SPIDR: variants seen among roughly 807,000 people sequenced by gnomAD.
SPIDR encodes the protein scaffold protein involved in DNA repair, also known as DNA repair-scaffolding protein.
SPIDR carries 93 observed loss-of-function variants against 104.6 expected under a neutral mutation model. The ratio of observed to expected loss-of-function variants is 0.89; its 90% CI spans 0.75 to 1.06. The LOEUF is 1.06. Among genes scored for constraint, SPIDR ranks in the 50% least tolerant of loss-of-function variants. The probability of loss-of-function intolerance (pLI) is 0.00; values close to 1 mark genes in which losing one functional copy is unlikely to be tolerated. For missense variants in SPIDR, 1,154 were observed against 1,111.2 expected (o/e 1.04, Z -0.55); for synonymous variants, 431 against 416.9 (o/e 1.03, Z -0.41).
At chr8:47,361,790 G>A (rs556608005) in intron 5 of SPIDR, among the ~76,000 whole-genome samples, 1 of 152,354 alleles carries the variant, frequency 6.6e-6, no homozygotes, top group East Asian at 1.9e-4. Context: ...GATGAGGGCA[G>A]GCAAGGACAG....
intron 11 of SPIDR, chr8:47,698,037 A>G (rs1217456121): frequency 6.6e-6 from 1 of 152,234 alleles, no homozygotes; most frequent in African/African-American, 2.4e-5. Context: ...TATGCAATCT[A>G]TAAATTAAGG....
chr8:47,311,357 C>G (rs948332602), intron 5 of SPIDR, among the ~76,000 whole-genome samples: 30 of 152,036 alleles, frequency 2.0e-4, no homozygotes, highest in African/African-American at 4.8e-4. Context: ...GAAATAGAGG[C>G]CAGGGGAAAT....
At chr8:47,412,255 A>G (rs2063638303) in intron 7 of SPIDR, among the ~76,000 whole-genome samples, 1 of 152,156 alleles carries the variant, frequency 6.6e-6, no homozygotes, top group Admixed American at 6.5e-5. Context: ...CAGTATGGCC[A>G]TTTTCACAAT....
chr8:47,544,854 T>G (rs1267220821), intron 8 of SPIDR, among the ~76,000 whole-genome samples: 1 of 152,208 alleles, frequency 6.6e-6, no homozygotes, highest in Non-Finnish European at 1.5e-5. Context: ...AAAAAAATCT[T>G]CTGGAACTTC....
intron 11 of SPIDR, among the ~76,000 whole-genome samples, chr8:47,696,417 T>C (rs2079342650): frequency 6.6e-6 from 1 of 152,226 alleles, no homozygotes; most frequent in South Asian, 2.1e-4. Flanking sequence ...GTTTAGAGTA[T>C]TTTTTTCTCT....
intron 10 of SPIDR, among the ~76,000 whole-genome samples, chr8:47,665,860 G>T (rs941987388): frequency 6.6e-6 from 1 of 152,164 alleles, no homozygotes; most frequent in Non-Finnish European, 1.5e-5. Flanking sequence ...CTAACATTTT[G>T]TTGATAGTGC....
chr8:47,713,741 G>A (rs187372884), intron 16 of SPIDR, 100 bp downstream of exon 16: 69 of 1,476,430 alleles, frequency 4.7e-5, no homozygotes, highest in Middle Eastern at 2.4e-4. Flanking sequence ...TGGAGCACCC[G>A]CTAAGTTCCA....
At chr8:47,405,965 C>T (rs1329618251) in intron 6 of SPIDR, among the ~76,000 whole-genome samples, 4 of 152,158 alleles carry the variant, frequency 2.6e-5, no homozygotes, top group African/African-American at 9.7e-5. Context: ...CCAGATACTG[C>T]TGTGTGTAGA....
At chr8:47,427,557 C>T (rs1467885834) in intron 7 of SPIDR, among the ~76,000 whole-genome samples, 1 of 152,160 alleles carries the variant, frequency 6.6e-6, no homozygotes, top group African/African-American at 2.4e-5. Context: ...AGATTATCTG[C>T]CAACAGCCTG....
At chr8:47,433,079 G>C (rs2154340261) in intron 7 of SPIDR, among the ~76,000 whole-genome samples, 1 of 152,220 alleles carries the variant, frequency 6.6e-6, no homozygotes, top group South Asian at 2.1e-4. Flanking sequence ...CTCAGTAAAT[G>C]TTAATTCTGT....
chr8:47,355,024 C>T (rs1323216940), intron 5 of SPIDR, among the ~76,000 whole-genome samples: 3 of 151,310 alleles, frequency 2.0e-5, no homozygotes, highest in Non-Finnish European at 2.9e-5. Context: ...GAAGCGATCT[C>T]GGCTCACTGC....
chr8:47,546,436 A>G (rs889319793), intron 8 of SPIDR, among the ~76,000 whole-genome samples: 4 of 152,128 alleles, frequency 2.6e-5, no homozygotes, highest in African/African-American at 9.7e-5. Context: ...TGATGTCTAC[A>G]TGGTCTATAG....
chr8:47,609,461 G>A (rs1417799154), intron 10 of SPIDR, among the ~76,000 whole-genome samples: 1 of 152,136 alleles, frequency 6.6e-6, no homozygotes, highest in Non-Finnish European at 1.5e-5. Context: ...TGTAGTTAGA[G>A]ATTATGTTTA....
intron 14 of SPIDR, among the ~76,000 whole-genome samples, chr8:47,712,323 A>T (rs1433969740): frequency 1.3e-5 from 2 of 152,212 alleles, no homozygotes; most frequent in Non-Finnish European, 2.9e-5. Flanking sequence ...TGTATGTACT[A>T]CACAGGAAAC....
At chr8:47,537,291 C>G (rs2087085718) in intron 8 of SPIDR, among the ~76,000 whole-genome samples, 1 of 152,104 alleles carries the variant, frequency 6.6e-6, no homozygotes, top group Admixed American at 6.6e-5. Context: ...TTCATAATTA[C>G]CAAAAACTTG....
At chr8:47,710,129 T>C (rs2081646546) in intron 14 of SPIDR, among the ~76,000 whole-genome samples, 4 of 152,166 alleles carry the variant, frequency 2.6e-5, no homozygotes, top group Admixed American at 2.6e-4. Context: ...CCACCCGCCT[T>C]GGTCTCCCAA....
chr8:47,500,860 T>A (rs915097062), intron 8 of SPIDR, among the ~76,000 whole-genome samples: 1 of 152,246 alleles, frequency 6.6e-6, no homozygotes, highest in African/African-American at 2.4e-5. Flanking sequence ...TTTCTACATA[T>A]GGCTAGCCAG....
At chr8:47,395,530 A>G (rs1252446718) in intron 5 of SPIDR, among the ~76,000 whole-genome samples, 1 of 152,216 alleles carries the variant, frequency 6.6e-6, no homozygotes, top group Admixed American at 6.5e-5. Flanking sequence ...CTGACACAGA[A>G]TAACATGGGA....
At chr8:47,590,542 A>G (rs921404869) in intron 8 of SPIDR, among the ~76,000 whole-genome samples, 6 of 152,178 alleles carry the variant, frequency 3.9e-5, no homozygotes, top group African/African-American at 1.2e-4. Flanking sequence ...TATACTCTAT[A>G]TGATTTCAGT....
Sources: gnomAD v4.1 joint callset for allele counts (sites outside exome capture counted in the v4.1 genomes callset) on GRCh38, gnomAD v4.1.1 for gene constraint, MANE v1.5 for transcripts, NCBI Gene and HGNC (gene_info 2026-07-23, HGNC 2026-07-21) for gene names.